The following UNC13B variants were observed in gnomAD, a reference collection of about 807,000 sequenced individuals.
UNC13B encodes unc-13 homolog B.
A neutral mutation model predicts 211.0 loss-of-function variants in UNC13B; 144 were observed. The ratio of observed to expected loss-of-function variants is 0.68; its 90% CI spans 0.60 to 0.78. The LOEUF is 0.78. Ranked by LOEUF, UNC13B falls within the 30% of genes least tolerant of loss-of-function variation. UNC13B has a pLI of 0.00. For missense variants in UNC13B, 1,777 were observed against 2,002.0 expected (o/e 0.89, Z 2.14); for synonymous variants, 709 against 725.8 (o/e 0.98, Z 0.37).
chr9:35,171,694 G>A (rs1233687403), intron 1 of UNC13B, among the ~76,000 whole-genome samples: 1 of 152,230 alleles, frequency 6.6e-6, no homozygotes, highest in Non-Finnish European at 1.5e-5. Flanking sequence ...ATGAGCCACT[G>A]TTCCCTACCC....
At chr9:35,250,816 A>C (rs1213000227) in intron 6 of UNC13B, among the ~76,000 whole-genome samples, 1 of 152,036 alleles carries the variant, frequency 6.6e-6, no homozygotes, top group Non-Finnish European at 1.5e-5. Context: ...TCTTGTCAAC[A>C]CTTGTTATTA....
At chr9:35,365,345 T>C (rs1305296614) in intron 11 of UNC13B, among the ~76,000 whole-genome samples, 1 of 152,172 alleles carries the variant, frequency 6.6e-6, no homozygotes, top group Non-Finnish European at 1.5e-5. Flanking sequence ...AGACACAAGT[T>C]GTGTGTACTA....
chr9:35,381,702 C>T lies in UNC13B; in HGVS notation c.10638C>T (p.Ser3546=). 1 of 1,614,032 alleles carries T rather than the reference C, an allele frequency of 6.2e-7. No homozygotes were observed. Among genetic ancestry groups the T allele is most frequent in the Admixed American group, 1.7e-5 (1 of 60,000 alleles). The change falls in exon 20 of 40, where the codon TCC becomes TCT. Residue 3546 remains serine (S), a synonymous_variant. Coordinates refer to ENST00000635942, the MANE Select transcript of UNC13B (RefSeq NM_001371189.2). ...TTGCCATGCGTTATGGCATTGAGTC[C>T]ATATATCAGGCCATGACGTGAGTCT... ...DEFAMRYGIE[S]IYQAMTHFAC...
chr9:35,330,097 A>C (rs1401431544), intron 11 of UNC13B, among the ~76,000 whole-genome samples: 1 of 152,216 alleles, frequency 6.6e-6, no homozygotes, highest in African/African-American at 2.4e-5. Context: ...TTAAAATCTG[A>C]AATAACTAAC....
At chr9:35,174,148 C>CTCT (rs957564214) in intron 1 of UNC13B, among the ~76,000 whole-genome samples, 10 of 151,596 alleles carry the variant, frequency 6.6e-5, no homozygotes, top group Non-Finnish European at 1.3e-4. Context: ...CTCTCTCTCT[C>CTCT]TTTTTTTGAG....
intron 26 of UNC13B, among the ~76,000 whole-genome samples, chr9:35,394,358 G>A (rs1467392063): frequency 6.6e-6 from 1 of 152,196 alleles, no homozygotes; most frequent in Non-Finnish European, 1.5e-5. Context: ...CACTTTATGG[G>A]CCTGAGGCGG....
chr9:35,399,349 G>A (rs1447201705), intron 34 of UNC13B, 43 bp from the exon 35 acceptor site: 1 of 1,613,972 alleles, frequency 6.2e-7, no homozygotes, highest in Non-Finnish European at 8.5e-7. Flanking sequence ...CTTCCTGATG[G>A]AGTTGGGGTC....
At chr9:35,259,888 T>A (rs1042529994) in intron 7 of UNC13B, among the ~76,000 whole-genome samples, 2 of 151,056 alleles carry the variant, frequency 1.3e-5, no homozygotes, top group East Asian at 3.9e-4. Context: ...ATGATGGTAA[T>A]GATTGTAGCA....
At chr9:35,252,676 A>T (rs991376266) in intron 6 of UNC13B, among the ~76,000 whole-genome samples, 4 of 151,340 alleles carry the variant, frequency 2.6e-5, no homozygotes, top group Non-Finnish European at 4.4e-5. Flanking sequence ...AATTTTCTCA[A>T]TCCCAGCACT....
intron 17 of UNC13B, 135 bp downstream of exon 17, chr9:35,378,571 C>A: frequency 8.7e-7 from 1 of 1,148,954 alleles, no homozygotes; most frequent in Non-Finnish European, 1.3e-6. Flanking sequence ...ATGCTTCGTT[C>A]AGACATCAGC....
intron 6 of UNC13B, among the ~76,000 whole-genome samples, chr9:35,254,423 G>T (rs999148884): frequency 6.6e-6 from 1 of 152,116 alleles, no homozygotes; most frequent in African/African-American, 2.4e-5. Flanking sequence ...AGCCTCTTTT[G>T]TAAGGGTGCT....
intron 6 of UNC13B, among the ~76,000 whole-genome samples, chr9:35,251,446 G>T (rs910020586): frequency 6.6e-6 from 1 of 152,060 alleles, no homozygotes; most frequent in Non-Finnish European, 1.5e-5. Context: ...AATTAGCTTG[G>T]CGTGGTGGTG....
chr9:35,214,443 T>TCAA (rs886107183), intron 1 of UNC13B, among the ~76,000 whole-genome samples: 2 of 150,336 alleles, frequency 1.3e-5, no homozygotes, highest in Non-Finnish European at 1.5e-5. Flanking sequence ...AAACAAACAA[T>TCAA]CAACAACAAC....
At chr9:35,348,019 C>T (rs1197766145) in intron 11 of UNC13B, among the ~76,000 whole-genome samples, 4 of 152,158 alleles carry the variant, frequency 2.6e-5, no homozygotes, top group Admixed American at 2.6e-4. Context: ...GGCGGATCAC[C>T]TGAGGTCGGG....
intron 6 of UNC13B, among the ~76,000 whole-genome samples, chr9:35,248,859 A>C (rs576663220): frequency 1.3e-5 from 2 of 152,262 alleles, no homozygotes; most frequent in South Asian, 4.1e-4. Flanking sequence ...AGTTCTGTAG[A>C]TGTCTATTAG....
At chr9:35,248,139 C>A in intron 6 of UNC13B, among the ~76,000 whole-genome samples, 2 of 152,222 alleles carry the variant, frequency 1.3e-5, no homozygotes, top group African/African-American at 4.8e-5. Context: ...AGTTTATTTG[C>A]GTAGAGGTGT....
chr9:35,263,082 C>T (rs1827372618), intron 7 of UNC13B, among the ~76,000 whole-genome samples: 1 of 152,072 alleles, frequency 6.6e-6, no homozygotes. Flanking sequence ...TTCTGGGAAG[C>T]AGTTTAGCAA....
At chr9:35,383,134 A>T (rs1020807385) in intron 21 of UNC13B, among the ~76,000 whole-genome samples, 2 of 152,202 alleles carry the variant, frequency 1.3e-5, no homozygotes, top group Non-Finnish European at 2.9e-5. Flanking sequence ...ATGGATTTTT[A>T]AAAATCTTGT....
intron 7 of UNC13B, among the ~76,000 whole-genome samples, chr9:35,277,618 C>CG (rs982191781): frequency 4.0e-5 from 6 of 151,624 alleles, no homozygotes; most frequent in African/African-American, 1.2e-4. Flanking sequence ...TATATTTTCT[C>CG]GGGGGGTTCT....
Sources: allele counts gnomAD v4.1 joint callset (sites outside exome capture counted in the v4.1 genomes callset), GRCh38; gene constraint gnomAD v4.1.1; transcripts MANE v1.5; gene names NCBI Gene and HGNC (gene_info 2026-07-23, HGNC 2026-07-21).